Variants in KLHDC1 observed in about 807,000 individuals in gnomAD.
KLHDC1 encodes the protein kelch domain-containing protein 1.
In KLHDC1, 53 loss-of-function variants were observed where a neutral mutation model predicts 68.3. The ratio of observed to expected loss-of-function variants is 0.78; its 90% confidence interval spans 0.62 to 0.98. KLHDC1 has a LOEUF of 0.98. KLHDC1 is among the 50% of genes least tolerant of loss of function. The probability of loss-of-function intolerance (pLI) is 0.00; values close to 1 mark genes in which losing one functional copy is unlikely to be tolerated. For missense variants in KLHDC1, 470 were observed against 492.3 expected (o/e 0.95, Z 0.43); for synonymous variants, 148 against 159.0 (o/e 0.93, Z 0.52).
At chr14:49,704,387 G>GTTTTTTTTTTTTTTTTT (rs35067251) in intron 1 of KLHDC1, among the ~76,000 whole-genome samples, 3 of 68,716 alleles carry the variant, frequency 4.4e-5, no homozygotes, top group African/African-American at 6.4e-5. Flanking sequence ...TTCCTTTTCT[G>GTTTTTTTTTTTTTTTTT]TTTTTTTTTT....
In KLHDC1 at chr14:49,698,438, G is replaced by T. The variant is rs569441196; in HGVS notation, c.96+5148G>T. On this transcript the variant is annotated intron_variant, in intron 1 of 12. Transcript: ENST00000359332. ...AGGCTGATCTCAAACTCTTGACCTC[G>T]TGATCCGCCCACCTCAGCCTCCCAA... Among the ~76,000 whole-genome samples, 4 of 151,362 alleles carry T rather than the reference G, an allele frequency of 2.6e-5. No homozygotes were observed. In the South Asian group the frequency reaches 6.3e-4, roughly 24 times the overall value.
At chr14:49,711,085 C>T (rs965683631) in intron 4 of KLHDC1, among the ~76,000 whole-genome samples, 5 of 152,188 alleles carry the variant, frequency 3.3e-5, no homozygotes, top group Admixed American at 6.5e-5. Flanking sequence ...CTCTGCCTCC[C>T]GGGTTCAAGC....
rs768252545 is a variant in KLHDC1, at chr14:49,723,913, T to C, written c.444T>C (p.Ser148=). The change falls in exon 5 of 13, where the codon AGT becomes AGC. Residue 148 remains serine (S), a synonymous_variant. Coordinates refer to ENST00000359332, the MANE Select transcript of KLHDC1 (RefSeq NM_172193.3). ...GTGGTTATGGGTGTAGGAGACACAG[T>C]GAACTCCAAGACTGTTTTGATGTTC... ...YFGGYGCRRH[S]ELQDCFDVHD... 6.2e-7 allele frequency: 1 copy of C among 1,606,514 alleles called. No homozygotes were observed. Among genetic ancestry groups the C allele is most frequent in the Non-Finnish European group, 8.5e-7 (1 of 1,174,554 alleles).
In KLHDC1 at chr14:49,724,576, C is replaced by T. The variant is rs75886378; in HGVS notation, c.483+624C>T. Among the ~76,000 whole-genome samples, 517 of 151,852 alleles carry T rather than the reference C, an allele frequency of 3.4e-3. 2 individuals carry two copies. Among genetic ancestry groups the T allele is most frequent in the African/African-American group, 0.012 (481 of 41,412 alleles). On this transcript the variant is annotated intron_variant, in intron 5 of 12. Coordinates refer to ENST00000359332, the MANE Select transcript of KLHDC1 (RefSeq NM_172193.3). ...GTATATATATATATACACACACACA[C>T]ATTTCATGTATATTGCTTTGTATAT... is the stretch of plus-strand genomic sequence containing the variant.
chr14:49,697,622 G>C (rs771213001), intron 1 of KLHDC1, among the ~76,000 whole-genome samples: 2 of 152,168 alleles, frequency 1.3e-5, no homozygotes, highest in African/African-American at 2.4e-5. Context: ...GTAAAGCAAA[G>C]CACAATAAAA....
At chr14:49,713,963 A>T (rs999996894) in intron 4 of KLHDC1, among the ~76,000 whole-genome samples, 2 of 145,138 alleles carry the variant, frequency 1.4e-5, no homozygotes, top group African/African-American at 5.1e-5. Flanking sequence ...AACAATTCTC[A>T]TGCCTCCCAA....
intron 1 of KLHDC1, among the ~76,000 whole-genome samples, chr14:49,696,067 G>GAAA (rs879851434): frequency 8.8e-6 from 1 of 113,610 alleles, no homozygotes; most frequent in East Asian, 2.8e-4. Context: ...CTCTGTCTCA[G>GAAA]AAAAAAAAAA....
At chr14:49,696,276 A>G (rs1887740561) in intron 1 of KLHDC1, among the ~76,000 whole-genome samples, 1 of 151,116 alleles carries the variant, frequency 6.6e-6, no homozygotes, top group Admixed American at 6.6e-5. Flanking sequence ...AGCTCAAGCA[A>G]TTCTCATGCC....
intron 11 of KLHDC1, among the ~76,000 whole-genome samples, chr14:49,743,456 C>T (rs993231181): frequency 1.3e-5 from 2 of 150,854 alleles, no homozygotes; most frequent in East Asian, 3.9e-4. Flanking sequence ...ACTCACTTCT[C>T]GGTGAAGAAT....
chr14:49,693,277 G>T lies in KLHDC1; in HGVS notation c.83G>T (p.Trp28Leu), dbSNP rs151334470. 1.3e-4 allele frequency: 202 copies of T among 1,549,656 alleles called. No homozygotes were observed. The highest frequency in any genetic ancestry group is 2.3e-4 in the Admixed American group (12 of 52,324). ...AVVDGNFLYV[W>L]GGYVSIEDNE... ...GTGGACGGAAACTTCCTCTACGTGT[G>T]GGGGGGCTACGTGGTAAGGGGAAGA... The change falls in exon 1 of 13, where the codon TGG (tryptophan) becomes TTG (leucine). Residue 28 changes from tryptophan to leucine, a missense_variant. By Grantham distance (61) the Trp-to-Leu change is moderately conservative. Transcript: ENST00000359332.
At chr14:49,698,841 G>A (rs184267182) in intron 1 of KLHDC1, among the ~76,000 whole-genome samples, 4 of 151,046 alleles carry the variant, frequency 2.6e-5, no homozygotes, top group Non-Finnish European at 4.4e-5. Flanking sequence ...TTTGCATCTC[G>A]TTTTATTCTT....
chr14:49,744,534 C>G (rs997322633), intron 12 of KLHDC1, among the ~76,000 whole-genome samples: 1 of 151,780 alleles, frequency 6.6e-6, no homozygotes, highest in African/African-American at 2.4e-5. Context: ...CCAGGAAAAC[C>G]CCCACTTGGA....
At chr14:49,705,829 C>T (rs1233180711) in intron 1 of KLHDC1, among the ~76,000 whole-genome samples, 1 of 152,006 alleles carries the variant, frequency 6.6e-6, no homozygotes, top group African/African-American at 2.4e-5. Context: ...TATGTTTTTT[C>T]ACTGATTGAA....
At chr14:49,701,412 C>G (rs1044054884) in intron 1 of KLHDC1, among the ~76,000 whole-genome samples, 1 of 152,204 alleles carries the variant, frequency 6.6e-6, no homozygotes, top group African/African-American at 2.4e-5. Context: ...GTAATCCTAG[C>G]ACTTTGGGAG....
chr14:49,729,569 C>T (rs768768455), intron 8 of KLHDC1, 21 bp downstream of exon 8: 35 of 1,525,964 alleles, frequency 2.3e-5, no homozygotes, highest in South Asian at 1.7e-4. Flanking sequence ...AGTCTAAGTA[C>T]GTTTTAATCT....
At chr14:49,724,135 G>T (rs956136523) in intron 5 of KLHDC1, among the ~76,000 whole-genome samples, 183 bp downstream of exon 5, 4 of 152,084 alleles carry the variant, frequency 2.6e-5, no homozygotes, top group Non-Finnish European at 4.4e-5. Flanking sequence ...CTCTCTAGTG[G>T]TATTAGCCTT....
intron 12 of KLHDC1, among the ~76,000 whole-genome samples, chr14:49,744,721 G>GA (rs34858733): frequency 6.7e-6 from 1 of 150,292 alleles, no homozygotes; most frequent in African/African-American, 2.4e-5. Flanking sequence ...ATAATTACAA[G>GA]AAAAAAAAAG....
chr14:49,738,874 A>T (rs1413511514), intron 10 of KLHDC1, among the ~76,000 whole-genome samples: 1 of 152,172 alleles, frequency 6.6e-6, no homozygotes, highest in Non-Finnish European at 1.5e-5. Flanking sequence ...TTCCAACGTG[A>T]TGTCACTGCA....
intron 6 of KLHDC1, among the ~76,000 whole-genome samples, chr14:49,726,896 G>T (rs1888684235): frequency 6.6e-6 from 1 of 152,142 alleles, no homozygotes; most frequent in Non-Finnish European, 1.5e-5. Context: ...AGGGAATATG[G>T]TCCTGGTTAC....
Sources: gnomAD v4.1 joint callset for allele counts (sites outside exome capture counted in the v4.1 genomes callset) on GRCh38, gnomAD v4.1.1 for gene constraint, MANE v1.5 for transcripts, NCBI Gene and HGNC (gene_info 2026-07-23, HGNC 2026-07-21) for gene names.